Variants in CDH12 observed in about 807,000 individuals in gnomAD.
CDH12 encodes cadherin-12.
CDH12 carries 41 observed loss-of-function variants against 74.1 expected under a neutral mutation model. The observed-to-expected ratio is 0.55, with a 90% CI of 0.43 to 0.72. CDH12 has a LOEUF of 0.72. Among genes scored for constraint, CDH12 ranks in the 30% least tolerant of loss-of-function variants. The pLI, the probability that CDH12 is intolerant of heterozygous loss-of-function variation, is 0.00. For missense variants in CDH12, 945 were observed against 977.2 expected (o/e 0.97, Z 0.44); for synonymous variants, 399 against 355.0 (o/e 1.12, Z -1.39).
intron 2 of CDH12, among the ~76,000 whole-genome samples, chr5:22,501,028 TA>T (rs970648439): frequency 6.6e-6 from 1 of 151,832 alleles, no homozygotes; most frequent in Non-Finnish European, 1.5e-5. Flanking sequence ...CATTGTGACC[TA>T]TCACAAAAAA....
chr5:22,589,811 T>G (rs1740589843), intron 1 of CDH12, among the ~76,000 whole-genome samples: 1 of 152,168 alleles, frequency 6.6e-6, no homozygotes, highest in Non-Finnish European at 1.5e-5. Context: ...TGTACATAAC[T>G]TACATCCTAG....
At chr5:21,921,737 T>G (rs115732871) in intron 6 of CDH12, among the ~76,000 whole-genome samples, 161 of 152,296 alleles carry the variant, frequency 1.1e-3, no homozygotes, top group African/African-American at 3.6e-3. Context: ...TGAACTGAAG[T>G]TCTGTCTATT....
chr5:22,264,633 A>G (rs1753643207), intron 3 of CDH12, among the ~76,000 whole-genome samples: 1 of 152,208 alleles, frequency 6.6e-6, no homozygotes, highest in Admixed American at 6.5e-5. Context: ...GCTGGATCAC[A>G]AAAGTCTTCA....
At chr5:22,473,485 G>A (rs996380726) in intron 2 of CDH12, among the ~76,000 whole-genome samples, 3 of 152,002 alleles carry the variant, frequency 2.0e-5, no homozygotes, top group Non-Finnish European at 4.4e-5. Flanking sequence ...ACTCACCTTA[G>A]TTTAATATTT....
At chr5:22,448,930 G>A (rs1744935956) in intron 2 of CDH12, among the ~76,000 whole-genome samples, 1 of 151,806 alleles carries the variant, frequency 6.6e-6, no homozygotes, top group South Asian at 2.1e-4. Context: ...GTGCAATTAT[G>A]TTAGTGTCAC....
chr5:21,854,599 C>A, intron 7 of CDH12, 72 bp downstream of exon 7: 1 of 1,289,716 alleles, frequency 7.8e-7, no homozygotes, highest in South Asian at 1.4e-5. Context: ...TGCAACTCCC[C>A]ATGCCAAGAT....
chr5:22,029,174 G>A lies in CDH12; in HGVS notation c.231+49272C>T, dbSNP rs549739585. Among the ~76,000 whole-genome samples the A allele has an allele frequency of 3.3e-5, 5 of 152,190 alleles. No individual in the cohort carries two copies. The South Asian group carries it at 8.3e-4, about 25-fold the overall frequency. On this transcript the variant is annotated intron_variant, in intron 5 of 14. Coordinates refer to ENST00000382254, the MANE Select transcript of CDH12 (RefSeq NM_004061.5). ...CATAAAAACCCTAGAAGAAAACCTA[G>A]GCATTACCATTCAGGACATAGGCAT...
At chr5:22,115,292 A>G (rs1272151573) in intron 4 of CDH12, among the ~76,000 whole-genome samples, 1 of 152,194 alleles carries the variant, frequency 6.6e-6, no homozygotes, top group Non-Finnish European at 1.5e-5. Flanking sequence ...AATACATCTT[A>G]GTTCCTTGGT....
chr5:22,448,726 TAAAAG>T (rs1744926816), intron 2 of CDH12, among the ~76,000 whole-genome samples: 1 of 151,974 alleles, frequency 6.6e-6, no homozygotes, highest in Non-Finnish European at 1.5e-5. Flanking sequence ...TTTGTAAAAG[TAAAAG>T]AAAACAGTCT....
intron 3 of CDH12, among the ~76,000 whole-genome samples, chr5:22,342,610 TTTTC>T (rs1739908206): frequency 8.1e-6 from 1 of 123,318 alleles, no homozygotes; most frequent in African/African-American, 3.0e-5. Context: ...TTTCTTACTT[TTTTC>T]TTTCTTTCCT....
chr5:22,114,583 A>G (rs1744986082), intron 4 of CDH12, among the ~76,000 whole-genome samples: 2 of 152,238 alleles, frequency 1.3e-5, no homozygotes, highest in Non-Finnish European at 1.5e-5. Context: ...AACAACTGTT[A>G]TCATGTAAAC....
intron 3 of CDH12, among the ~76,000 whole-genome samples, chr5:22,342,563 C>A (rs1239778779): frequency 5.0e-5 from 4 of 79,814 alleles, no homozygotes; most frequent in African/African-American, 2.2e-4. Context: ...TCCCTTCCTT[C>A]CTCCCTCCCT....
At position 22,134,561 on chromosome 5, in the gene CDH12, A is replaced by T. The variant is rs542988029; in HGVS notation, c.-186-55699T>A. Among the ~76,000 whole-genome samples, 329 of 147,520 alleles carry T rather than the reference A, an allele frequency of 2.2e-3. 3 individuals are homozygous for T. Among genetic ancestry groups the T allele is most frequent in the Non-Finnish European group, 3.9e-3 (258 of 66,844 alleles). On this transcript the variant is annotated intron_variant, in intron 4 of 14. Coordinates refer to ENST00000382254, the MANE Select transcript of CDH12 (RefSeq NM_004061.5). Reference sequence around the variant, plus strand: ...GCATATCTTTCATCTTTTTATAAGCAGCTGAGTAGAAAGAAATTGAGCAGC... The same window carrying T: ...GCATATCTTTCATCTTTTTATAAGCTGCTGAGTAGAAAGAAATTGAGCAGC...
At chr5:22,058,268 G>A (rs1212676021) in intron 5 of CDH12, among the ~76,000 whole-genome samples, 3 of 152,006 alleles carry the variant, frequency 2.0e-5, no homozygotes, top group Non-Finnish European at 4.4e-5. Context: ...CGTTGCCCAG[G>A]CTGGTCTCAA....
At chr5:22,152,083 C>T (rs373275679) in intron 4 of CDH12, 2 of 152,036 alleles carry the variant, frequency 1.3e-5, no homozygotes, top group Admixed American at 6.6e-5. Flanking sequence ...TTTCCCATCT[C>T]GTTCTGGAAT....
intron 3 of CDH12, among the ~76,000 whole-genome samples, chr5:22,280,481 C>G (rs1188790795): frequency 6.6e-6 from 1 of 151,758 alleles, no homozygotes; most frequent in South Asian, 2.1e-4. Context: ...TCTAGCAAGC[C>G]TAATAAAGAA....
chr5:22,325,868 A>C (rs1392330222), intron 3 of CDH12, among the ~76,000 whole-genome samples: 48 of 152,086 alleles, frequency 3.2e-4, no homozygotes, highest in Non-Finnish European at 1.0e-4. Flanking sequence ...AGATCACGCC[A>C]CTGCACTCCA....
At chr5:22,666,886 A>G (rs146679075) in intron 1 of CDH12, among the ~76,000 whole-genome samples, 215 of 152,330 alleles carry the variant, frequency 1.4e-3, no homozygotes, top group African/African-American at 4.5e-3. Context: ...TCTTAAAGAG[A>G]GAAAATAGAA....
intron 4 of CDH12, among the ~76,000 whole-genome samples, chr5:22,204,051 A>T (rs1362646954): frequency 1.3e-5 from 2 of 152,258 alleles, no homozygotes; most frequent in Non-Finnish European, 2.9e-5. Flanking sequence ...GGGAGAACAT[A>T]TCTATAAACT....
Sources: gnomAD v4.1 joint callset for allele counts (sites outside exome capture counted in the v4.1 genomes callset) on GRCh38, gnomAD v4.1.1 for gene constraint, MANE v1.5 for transcripts, NCBI Gene and HGNC (gene_info 2026-07-23, HGNC 2026-07-21) for gene names.